DMD: variants seen among roughly 807,000 people sequenced by gnomAD.
DMD encodes the protein mutant dystrophin.
In DMD, 63 loss-of-function variants were observed where a neutral mutation model predicts 330.1. That is an observed-to-expected ratio of 0.19 (90% CI 0.16 to 0.24). The LOEUF (loss-of-function observed/expected upper bound fraction) is 0.24, where lower values mean the gene tolerates loss of function less well. DMD is among the 10% of genes least tolerant of loss of function. The pLI, the probability that DMD is intolerant of heterozygous loss-of-function variation, is 1.00. For synonymous variants in DMD, 1,223 were observed against 959.8 expected (o/e 1.27, Z -5.07); for missense variants, 3,344 against 2,684.1 (o/e 1.25, Z -5.43).
chrX:32,859,745 G>C (rs887199483), intron 2 of DMD, among the ~76,000 whole-genome samples: 1 of 110,391 alleles, frequency 9.1e-6, no homozygotes, highest in African/African-American at 3.3e-5. Flanking sequence ...TTCTTTTGTT[G>C]TTCTCCCCTT....
intron 67 of DMD, among the ~76,000 whole-genome samples, chrX:31,189,160 C>T (rs1435360920): frequency 8.9e-6 from 1 of 111,880 alleles, no homozygotes. Flanking sequence ...AAGTATTTCT[C>T]AGCAAGCCCT....
chrX:32,476,742 G>A (rs2041273690), intron 21 of DMD, among the ~76,000 whole-genome samples: 1 of 111,485 alleles, frequency 9.0e-6, no homozygotes, highest in South Asian at 3.7e-4. Flanking sequence ...AGAAGCTAAT[G>A]TACCCAAGGG....
intron 62 of DMD, among the ~76,000 whole-genome samples, chrX:31,322,318 C>T (rs2056482725): frequency 9.0e-6 from 1 of 111,418 alleles, no homozygotes; most frequent in African/African-American, 3.3e-5. Context: ...AGGTAATATA[C>T]AGTGCATGTC....
intron 60 of DMD, among the ~76,000 whole-genome samples, chrX:31,442,925 C>G (rs1331859400): frequency 1.8e-5 from 2 of 111,219 alleles, no homozygotes. Context: ...TCCATCACAA[C>G]AAGAATTAAA....
At chrX:32,477,744 T>G (rs756573625) in intron 21 of DMD, among the ~76,000 whole-genome samples, 2 of 110,172 alleles carry the variant, frequency 1.8e-5, no homozygotes, top group Non-Finnish European at 3.8e-5. Context: ...AAAAAATCTC[T>G]CCTCTTGAAA....
intron 61 of DMD, among the ~76,000 whole-genome samples, chrX:31,345,067 C>G (rs968411826): frequency 1.3e-4 from 14 of 111,901 alleles, no homozygotes; most frequent in Non-Finnish European, 2.1e-4. Flanking sequence ...CATCCTTAGT[C>G]TCACCGTCCT....
intron 1 of DMD, among the ~76,000 whole-genome samples, chrX:33,047,168 T>C (rs914140788): frequency 3.6e-5 from 4 of 112,010 alleles, no homozygotes; most frequent in Non-Finnish European, 5.6e-5. Context: ...TTGAAACTCA[T>C]GCTTCTCTAA....
At chrX:32,843,987 C>G (rs2080401520) in intron 4 of DMD, among the ~76,000 whole-genome samples, 1 of 112,542 alleles carries the variant, frequency 8.9e-6, no homozygotes, top group Middle Eastern at 4.6e-3. Context: ...AATTTATATG[C>G]TTGGAGACAG....
intron 1 of DMD, among the ~76,000 whole-genome samples, chrX:33,314,564 T>G (rs906906438): frequency 1.6e-5 from 1 of 64,480 alleles, no homozygotes; most frequent in African/African-American, 4.9e-5. Flanking sequence ...AGCCTGTTTT[T>G]TTTTTGTTTT....
At chrX:32,383,935 C>T (rs1444050628) in intron 33 of DMD, among the ~76,000 whole-genome samples, 2 of 109,503 alleles carry the variant, frequency 1.8e-5, no homozygotes, top group African/African-American at 6.6e-5. Flanking sequence ...AAAAAGCCCA[C>T]ACACAAAAAA....
chrX:32,627,963 A>T (rs2058463582), intron 11 of DMD, among the ~76,000 whole-genome samples: 1 of 110,354 alleles, frequency 9.1e-6, no homozygotes, highest in Non-Finnish European at 1.9e-5. Context: ...ACATATTCAT[A>T]CAGGCATACA....
intron 7 of DMD, among the ~76,000 whole-genome samples, chrX:32,776,812 G>A (rs2074200913): frequency 9.0e-6 from 1 of 111,689 alleles, no homozygotes; most frequent in African/African-American, 3.3e-5. Context: ...TTTTCTATTT[G>A]TGACACCTCA....
chrX:32,021,906 A>T (rs2095808609), intron 44 of DMD, among the ~76,000 whole-genome samples: 1 of 111,985 alleles, frequency 8.9e-6, no homozygotes, highest in Non-Finnish European at 1.9e-5. Flanking sequence ...GATATATTTC[A>T]TAATAAAAAA....
At chrX:31,508,036 T>C (rs752020098) in intron 55 of DMD, among the ~76,000 whole-genome samples, 1 of 112,097 alleles carries the variant, frequency 8.9e-6, no homozygotes, top group South Asian at 3.7e-4. Context: ...ATCATACATA[T>C]AGTACAGCAT....
intron 1 of DMD, among the ~76,000 whole-genome samples, chrX:33,171,934 G>A (rs2049370366): frequency 9.0e-6 from 1 of 110,660 alleles, no homozygotes; most frequent in Admixed American, 9.7e-5. Context: ...ATTCAGTTTT[G>A]GAACTGATGT....
intron 44 of DMD, among the ~76,000 whole-genome samples, chrX:32,057,754 G>A (rs2096189539): frequency 9.4e-6 from 1 of 106,879 alleles, no homozygotes; most frequent in Admixed American, 1.0e-4. Flanking sequence ...AAATTCATAT[G>A]AAACCACAAA....
intron 55 of DMD, among the ~76,000 whole-genome samples, chrX:31,514,413 TTCTTA>T (rs1360099427): frequency 9.0e-6 from 1 of 111,492 alleles, no homozygotes; most frequent in Non-Finnish European, 1.9e-5. Flanking sequence ...CCACACTTCC[TTCTTA>T]TCTGAGTCTC....
At chrX:31,589,919 A>T (rs1263457116) in intron 55 of DMD, among the ~76,000 whole-genome samples, 1 of 111,242 alleles carries the variant, frequency 9.0e-6, no homozygotes, top group East Asian at 2.8e-4. Flanking sequence ...AAACAAATAA[A>T]CTCAATGCCT....
intron 44 of DMD, among the ~76,000 whole-genome samples, chrX:32,013,547 C>A (rs2095734627): frequency 8.9e-6 from 1 of 111,954 alleles, no homozygotes; most frequent in African/African-American, 3.2e-5. Flanking sequence ...TTTTTGTATA[C>A]CCCACATGGC....
Sources: allele counts gnomAD v4.1 joint callset (sites outside exome capture counted in the v4.1 genomes callset), GRCh38; gene constraint gnomAD v4.1.1; transcripts MANE v1.5; gene names NCBI Gene and HGNC (gene_info 2026-07-23, HGNC 2026-07-21).